SLC10A7: variants seen among roughly 807,000 people sequenced by gnomAD.
SLC10A7 encodes solute carrier family 10 member 7, also known as sodium/bile acid cotransporter 7.
In SLC10A7, 29 loss-of-function variants were observed where a neutral mutation model predicts 43.2. That is an observed-to-expected ratio of 0.67 (90% CI 0.50 to 0.92). The LOEUF is 0.92. SLC10A7 is among the 40% of genes least tolerant of loss of function. SLC10A7 has a pLI of 0.00. For synonymous variants in SLC10A7, 152 were observed against 144.8 expected, an observed-to-expected ratio of 1.05 and a Z score of -0.35; for missense variants, 295 against 403.2, an observed-to-expected ratio of 0.73 and a Z score of 2.30.
At chr4:146,277,856 A>T (rs184179639) in intron 10 of SLC10A7, among the ~76,000 whole-genome samples, 1 of 152,116 alleles carries the variant, frequency 6.6e-6, no homozygotes, top group Admixed American at 6.6e-5. Flanking sequence ...TTTTATTAAT[A>T]ATAAAGAAAA....
At chr4:146,385,643 G>A (rs552876452) in intron 5 of SLC10A7, among the ~76,000 whole-genome samples, 19 of 152,232 alleles carry the variant, frequency 1.2e-4, no homozygotes, top group Non-Finnish European at 2.4e-4. Context: ...ACACATGCAG[G>A]TTTGTTACCT....
At chr4:146,258,589 A>G (rs1304039816) in intron 11 of SLC10A7, 103 bp downstream of exon 11, 3 of 1,115,296 alleles carry the variant, frequency 2.7e-6, no homozygotes, top group Non-Finnish European at 3.7e-6. Flanking sequence ...TGTACTTGAA[A>G]ACAAAGATAT....
chr4:146,426,260 C>T (rs905737592), intron 5 of SLC10A7, among the ~76,000 whole-genome samples: 84 of 152,244 alleles, frequency 5.5e-4, no homozygotes, highest in African/African-American at 1.9e-3. Flanking sequence ...GTTCAGCGAG[C>T]GACATCATGC....
intron 5 of SLC10A7, among the ~76,000 whole-genome samples, chr4:146,395,526 C>A (rs1738760175): frequency 6.6e-6 from 1 of 152,190 alleles, no homozygotes; most frequent in African/African-American, 2.4e-5. Context: ...TGTAACCATT[C>A]CTTCCCCAGC....
intron 10 of SLC10A7, among the ~76,000 whole-genome samples, chr4:146,272,556 A>C (rs1020010289): frequency 1.3e-5 from 2 of 152,194 alleles, no homozygotes; most frequent in Non-Finnish European, 2.9e-5. Flanking sequence ...CTGTCATTAA[A>C]GACACTCAAC....
At chr4:146,324,561 A>G (rs959269516) in intron 6 of SLC10A7, among the ~76,000 whole-genome samples, 3 of 151,702 alleles carry the variant, frequency 2.0e-5, no homozygotes, top group Non-Finnish European at 2.9e-5. Context: ...GCAGCCATTC[A>G]TTGTGCACTT....
At chr4:146,364,579 T>C (rs1339973225) in intron 5 of SLC10A7, among the ~76,000 whole-genome samples, 1 of 151,930 alleles carries the variant, frequency 6.6e-6, no homozygotes, top group African/African-American at 2.4e-5. Flanking sequence ...CTATAAAAAA[T>C]TGAATTCATG....
chr4:146,271,719 A>C (rs551830261), intron 10 of SLC10A7, among the ~76,000 whole-genome samples: 1 of 152,034 alleles, frequency 6.6e-6, no homozygotes, highest in Non-Finnish European at 1.5e-5. Context: ...CCCCTCTCCC[A>C]TTACCATTCC....
In SLC10A7 at chr4:146,481,356, C is replaced by T. The variant is rs528968428; in HGVS notation, c.396+22493G>A. On this transcript the variant is annotated intron_variant, in intron 4 of 11. Transcript: ENST00000335472. ...AGAGTAAAGTCATTGCTGCACTGTG[C>T]CCCACGCCCCACAAGCCAAAGTGGC... Among the ~76,000 whole-genome samples the T allele has an allele frequency of 7.9e-5, 12 of 152,284 alleles. No homozygotes were observed. In the South Asian group the frequency reaches 2.5e-3, roughly 32 times the overall value.
chr4:146,351,128 C>G (rs554718173), intron 5 of SLC10A7, among the ~76,000 whole-genome samples: 2 of 150,960 alleles, frequency 1.3e-5, no homozygotes, highest in East Asian at 1.9e-4. Flanking sequence ...AAGTTGAAAA[C>G]TTTGAAAAAA....
intron 5 of SLC10A7, among the ~76,000 whole-genome samples, chr4:146,405,053 A>G (rs1256941752): frequency 1.3e-5 from 2 of 152,222 alleles, no homozygotes; most frequent in African/African-American, 4.8e-5. Flanking sequence ...CTTAAAATCA[A>G]TTAGGATCTG....
At chr4:146,474,277 A>G (rs1040401562) in intron 4 of SLC10A7, among the ~76,000 whole-genome samples, 5 of 152,314 alleles carry the variant, frequency 3.3e-5, no homozygotes, top group African/African-American at 1.2e-4. Context: ...ATGCTTACAT[A>G]TGTGTTAAAC....
At chr4:146,395,233 A>C (rs1392500290) in intron 5 of SLC10A7, among the ~76,000 whole-genome samples, 1 of 152,138 alleles carries the variant, frequency 6.6e-6, no homozygotes, top group African/African-American at 2.4e-5. Context: ...AATTTAACTT[A>C]GCCAGGCAAT....
intron 5 of SLC10A7, 78 bp downstream of exon 5, chr4:146,442,705 C>T: frequency 2.5e-6 from 4 of 1,569,374 alleles, no homozygotes; most frequent in South Asian, 2.4e-5. Flanking sequence ...TAAAACAAAT[C>T]CAGCTTTCAC....
At chr4:146,515,227 A>G in intron 2 of SLC10A7, 1 of 699,032 alleles carries the variant, frequency 1.4e-6, no homozygotes, top group East Asian at 2.7e-5. Flanking sequence ...TTAAGCAGCC[A>G]CCAGGGGACA....
intron 5 of SLC10A7, among the ~76,000 whole-genome samples, chr4:146,348,660 GTATCATTTAAATTTATGTAAATT>G (rs1202376679): frequency 3.9e-5 from 6 of 151,956 alleles, no homozygotes; most frequent in African/African-American, 1.5e-4. Flanking sequence ...ACATAAAAAC[GTATCATTTAAATTTATGTAAATT>G]TTCCTGAACC....
chr4:146,516,501 TACACATACA>T (rs1738010880), intron 2 of SLC10A7, among the ~76,000 whole-genome samples: 1 of 149,320 alleles, frequency 6.7e-6, no homozygotes, highest in Non-Finnish European at 1.5e-5. Context: ...CATATACATA[TACACATACA>T]TATATGTGTC....
At chr4:146,434,924 A>T (rs796582930) in intron 5 of SLC10A7, among the ~76,000 whole-genome samples, 3 of 152,286 alleles carry the variant, frequency 2.0e-5, no homozygotes, top group African/African-American at 7.2e-5. Flanking sequence ...CCTGGAGGCG[A>T]TTCAGAATTA....
intron 5 of SLC10A7, among the ~76,000 whole-genome samples, chr4:146,368,783 T>A (rs1416376527): frequency 6.6e-6 from 1 of 152,056 alleles, no homozygotes; most frequent in East Asian, 1.9e-4. Flanking sequence ...CAAAATAACC[T>A]GGGAAAAAAA....
Sources: allele counts gnomAD v4.1 joint callset (sites outside exome capture counted in the v4.1 genomes callset), GRCh38; gene constraint gnomAD v4.1.1; transcripts MANE v1.5; gene names NCBI Gene and HGNC (gene_info 2026-07-23, HGNC 2026-07-21).